The following TKTL1 variants were observed in gnomAD, a reference collection of about 807,000 sequenced individuals.
TKTL1 encodes transketolase like 1, also known as transketolase-like protein 1.
Under a neutral mutation model 39.3 loss-of-function variants are expected in TKTL1, and 1 was observed. The observed-to-expected ratio is 0.03, with a 90% CI of 0.01 to 0.12. The LOEUF (loss-of-function observed/expected upper bound fraction) is 0.12. Among genes scored for constraint, TKTL1 ranks in the 10% least tolerant of loss-of-function variants. The pLI is 1.00. For synonymous variants in TKTL1, 262 were observed against 193.8 expected (o/e 1.35, Z -2.92); for missense variants, 575 against 509.6 (o/e 1.13, Z -1.24).
intron 1 of TKTL1, among the ~76,000 whole-genome samples, chrX:154,304,177 G>A (rs1190776773): frequency 2.7e-5 from 3 of 110,795 alleles, no homozygotes; most frequent in East Asian, 2.8e-4. Context: ...CTCTGCTGCC[G>A]GGGCCTCTTG....
chrX:154,295,830 G>T lies in TKTL1; in HGVS notation c.-30G>T. 1.7e-6 allele frequency: 2 copies of T among 1,202,844 alleles called. No individual in the cohort carries two copies. The highest frequency in any genetic ancestry group is 2.2e-6 in the Non-Finnish European group (2 of 890,294). On this transcript the variant is annotated 5_prime_UTR_variant, in exon 1 of 13. Coordinates refer to ENST00000369915, the MANE Select transcript of TKTL1 (RefSeq NM_012253.4). ...CTTCAGACGCCGGAGACGTAGGAGT[G>T]GGTCTTCAGACTCCAAAGGGGTTGG...
At chrX:154,306,052 C>T (rs1479345168) in intron 2 of TKTL1, among the ~76,000 whole-genome samples, 2 of 110,864 alleles carry the variant, frequency 1.8e-5, no homozygotes, top group Admixed American at 9.6e-5. Context: ...CACGCCTGTA[C>T]TCCCAGCACT....
intron 11 of TKTL1, 62 bp from the exon 12 acceptor site, chrX:154,327,777 T>G: frequency 2.5e-6 from 3 of 1,205,128 alleles, no homozygotes; most frequent in Middle Eastern, 2.3e-4. Flanking sequence ...CTTTTTATTT[T>G]TATCCCTGCA....
At chrX:154,315,805 T>C (rs962755011) in intron 7 of TKTL1, among the ~76,000 whole-genome samples, 2 of 112,332 alleles carry the variant, frequency 1.8e-5, no homozygotes, top group African/African-American at 6.5e-5. Flanking sequence ...CACAAGAATA[T>C]CAATGCTTAG....
chrX:154,309,199 A>T (rs1446247053), intron 2 of TKTL1, 146 bp from the exon 3 acceptor site: 1 of 513,279 alleles, frequency 1.9e-6, no homozygotes, highest in Non-Finnish European at 3.5e-6. Context: ...TGTGGGGAAG[A>T]GGAATTCACC....
intron 1 of TKTL1, among the ~76,000 whole-genome samples, chrX:154,297,856 G>T (rs1225139656): frequency 1.8e-5 from 2 of 111,959 alleles, no homozygotes; most frequent in African/African-American, 3.2e-5. Context: ...AGTGAACTAA[G>T]ATTGTGCCAC....
intron 1 of TKTL1, chrX:154,305,075 C>T (rs1373740729): frequency 3.5e-6 from 4 of 1,130,367 alleles, no homozygotes; most frequent in East Asian, 3.6e-5. Flanking sequence ...CCCGAGTCCA[C>T]GGTGCTCTGC....
intron 1 of TKTL1, 61 bp downstream of exon 1, chrX:154,296,054 T>C (rs2067224588): frequency 8.6e-7 from 1 of 1,168,535 alleles, no homozygotes; most frequent in African/African-American, 1.8e-5. Context: ...GCTTCAGGCC[T>C]GGTGGCCATG....
chrX:154,307,000 T>C (rs2067320033), intron 2 of TKTL1, among the ~76,000 whole-genome samples: 1 of 109,185 alleles, frequency 9.2e-6, no homozygotes, highest in Admixed American at 9.7e-5. Context: ...GATTTCTGGT[T>C]TAAAATAAGG....
At chrX:154,321,630 C>T (rs1425344500) in intron 8 of TKTL1, among the ~76,000 whole-genome samples, 1 of 108,130 alleles carries the variant, frequency 9.2e-6, no homozygotes, top group African/African-American at 3.4e-5. Context: ...TGGGAAACGT[C>T]AGAGAGTCAT....
At chrX:154,323,620 G>A (rs1557171357) in intron 9 of TKTL1, among the ~76,000 whole-genome samples, 1 of 112,029 alleles carries the variant, frequency 8.9e-6, no homozygotes, top group East Asian at 2.8e-4. Context: ...AACAGGAGAA[G>A]GTGTTTAACA....
At chrX:154,329,460 GCTTTA>G in intron 12 of TKTL1, 51 bp from the exon 13 acceptor site, 1 of 1,157,407 alleles carries the variant, frequency 8.6e-7, no homozygotes, top group Non-Finnish European at 1.2e-6. Flanking sequence ...ATGTGGTGAG[GCTTTA>G]AGGCTGACGA....
chrX:154,317,953 C>A (rs1557169698), intron 7 of TKTL1, among the ~76,000 whole-genome samples: 1 of 112,477 alleles, frequency 8.9e-6, no homozygotes, highest in East Asian at 2.8e-4. Flanking sequence ...ACAGTGGTAT[C>A]AGATGGCTGG....
chrX:154,317,544 G>T (rs899430928), intron 7 of TKTL1, among the ~76,000 whole-genome samples: 1 of 112,398 alleles, frequency 8.9e-6, no homozygotes, highest in Admixed American at 9.4e-5. Flanking sequence ...GCCCTTTTCA[G>T]TATCTCTGGT....
chrX:154,305,200 G>A (rs377061458), intron 1 of TKTL1, 104 bp from the exon 2 acceptor site: 15 of 1,176,227 alleles, frequency 1.3e-5, no homozygotes, highest in South Asian at 3.8e-5. Flanking sequence ...GATTCTTCCC[G>A]GGCTGGGAGA....
chrX:154,300,096 A>G (rs1054554877), intron 1 of TKTL1, among the ~76,000 whole-genome samples: 3 of 107,917 alleles, frequency 2.8e-5, no homozygotes, highest in Non-Finnish European at 5.8e-5. Flanking sequence ...GCTCACTGCA[A>G]CCTCTGCTGT....
chrX:154,323,847 C>T (rs2067472255), intron 9 of TKTL1, among the ~76,000 whole-genome samples: 1 of 112,480 alleles, frequency 8.9e-6, no homozygotes, highest in Non-Finnish European at 1.9e-5. Context: ...GTGTGTGGGA[C>T]CTCATGCAAG....
intron 1 of TKTL1, among the ~76,000 whole-genome samples, chrX:154,301,754 TC>T (rs2067275093): frequency 1.9e-5 from 2 of 105,693 alleles, no homozygotes; most frequent in Admixed American, 1.0e-4. Context: ...CCATTTTCTT[TC>T]TTTTTTTTTT....
At chrX:154,311,701 C>G (rs2067358953) in intron 5 of TKTL1, among the ~76,000 whole-genome samples, 1 of 111,902 alleles carries the variant, frequency 8.9e-6, no homozygotes, top group East Asian at 2.8e-4. Context: ...TTGTTTATCT[C>G]AGGTTTAACT....
Sources: gnomAD v4.1 joint callset for allele counts (sites outside exome capture counted in the v4.1 genomes callset) on GRCh38, gnomAD v4.1.1 for gene constraint, MANE v1.5 for transcripts, NCBI Gene and HGNC (gene_info 2026-07-23, HGNC 2026-07-21) for gene names.